NTNG1: variants seen among roughly 807,000 people sequenced by gnomAD.
NTNG1 encodes netrin G1, also known as netrin-G1.
NTNG1 carries 16 observed loss-of-function variants against 54.0 expected under a neutral mutation model. That is an observed-to-expected ratio of 0.30 (90% CI 0.20 to 0.45). The LOEUF is 0.45. Ranked by LOEUF, NTNG1 falls within the 20% of genes least tolerant of loss-of-function variation. The pLI is 1.00. For missense variants in NTNG1, 530 were observed against 678.7 expected (o/e 0.78, Z 2.43); for synonymous variants, 255 against 263.1 (o/e 0.97, Z 0.30).
At chr1:107,384,103 G>A (rs1023878786) in intron 3 of NTNG1, among the ~76,000 whole-genome samples, 2 of 152,062 alleles carry the variant, frequency 1.3e-5, no homozygotes, top group African/African-American at 2.4e-5. Context: ...AAATGGTCAC[G>A]GAGCACCATC....
At chr1:107,176,676 A>C (rs964968102) in intron 2 of NTNG1, among the ~76,000 whole-genome samples, 11 of 152,126 alleles carry the variant, frequency 7.2e-5, no homozygotes, top group African/African-American at 2.7e-4. Flanking sequence ...ACGGAATGTG[A>C]TTTTTTACAA....
intron 2 of NTNG1, among the ~76,000 whole-genome samples, chr1:107,321,133 C>T (rs1365804157): frequency 6.6e-6 from 1 of 152,032 alleles, no homozygotes; most frequent in African/African-American, 2.4e-5. Context: ...GCTTTATTTT[C>T]TCCATACAAG....
chr1:107,241,090 T>A (rs1275501388), intron 2 of NTNG1, among the ~76,000 whole-genome samples: 1 of 152,162 alleles, frequency 6.6e-6, no homozygotes, highest in Non-Finnish European at 1.5e-5. Flanking sequence ...TACTAAATAT[T>A]TTGGGACTGA....
chr1:107,418,545 A>G (rs1019613623), intron 5 of NTNG1: 4 of 1,487,492 alleles, frequency 2.7e-6, no homozygotes, highest in Non-Finnish European at 3.7e-6. Context: ...TTATAGCTGA[A>G]AATAACATAC....
intron 3 of NTNG1, among the ~76,000 whole-genome samples, chr1:107,347,026 G>T (rs7555385): frequency 0.6 from 90,076 of 151,040 alleles, 27,227 homozygotes; most frequent in East Asian, 0.7. Context: ...AAAGAACAAG[G>T]CAAAGCAAGC....
chr1:107,442,149 T>C (rs1676006053), intron 7 of NTNG1, among the ~76,000 whole-genome samples: 1 of 152,124 alleles, frequency 6.6e-6, no homozygotes, highest in South Asian at 2.1e-4. Flanking sequence ...TTAATGAGAA[T>C]TTCTTTACCC....
intron 3 of NTNG1, among the ~76,000 whole-genome samples, chr1:107,386,866 A>T (rs1334473020): frequency 6.6e-6 from 1 of 152,234 alleles, no homozygotes; most frequent in Non-Finnish European, 1.5e-5. Context: ...TACTCCCAAT[A>T]GCAATCTCTG....
intron 7 of NTNG1, among the ~76,000 whole-genome samples, chr1:107,464,060 T>C (rs941515304): frequency 6.6e-6 from 1 of 152,192 alleles, no homozygotes; most frequent in African/African-American, 2.4e-5. Flanking sequence ...GTAATGACCT[T>C]GCCCTTAATT....
At chr1:107,389,733 C>A (rs1485169806) in intron 3 of NTNG1, among the ~76,000 whole-genome samples, 1 of 152,202 alleles carries the variant, frequency 6.6e-6, no homozygotes, top group Non-Finnish European at 1.5e-5. Flanking sequence ...GTTCTATCTG[C>A]AGTGCTTAGG....
At chr1:107,201,578 T>C (rs1658762291) in intron 2 of NTNG1, among the ~76,000 whole-genome samples, 1 of 151,858 alleles carries the variant, frequency 6.6e-6, no homozygotes, top group Non-Finnish European at 1.5e-5. Context: ...CACTCTCCAT[T>C]CTGTATTCTT....
chr1:107,338,077 T>C lies in NTNG1; in HGVS notation c.887+13155T>C, dbSNP rs1226411799. 2.6e-5 allele frequency among the ~76,000 whole-genome samples: 4 copies of C among 152,002 alleles called. No homozygotes were observed. The East Asian group carries it at 7.7e-4, about 29-fold the overall frequency. On this transcript the variant is annotated intron_variant, in intron 3 of 7. Transcript: ENST00000370068. ...CACTATAGGCCCTTGTAAAGTGGCC[T>C]ATGTTGGGGATGATGCCACTGTTAG... is the stretch of plus-strand genomic sequence containing the variant.
At chr1:107,446,225 T>C (rs963941920) in intron 7 of NTNG1, among the ~76,000 whole-genome samples, 3 of 152,100 alleles carry the variant, frequency 2.0e-5, no homozygotes, top group Non-Finnish European at 4.4e-5. Context: ...CCCAGAAACA[T>C]AAGGGCTTTG....
chr1:107,221,139 G>A (rs1220164271), intron 2 of NTNG1, among the ~76,000 whole-genome samples: 1 of 151,850 alleles, frequency 6.6e-6, no homozygotes, highest in Non-Finnish European at 1.5e-5. Context: ...CCTATTTTTA[G>A]GTTAAACAAC....
chr1:107,274,591 G>C lies in NTNG1; in HGVS notation c.247-49691G>C, dbSNP rs966023351. The stretch of plus-strand genomic sequence containing the variant: ...AGTATAAGGGATTTGGGGAACAGCA[G>C]AGAGAGAACAGGTTGTCCAGATGAA... On this transcript the variant is annotated intron_variant, in intron 2 of 7. Coordinates refer to ENST00000370068, the MANE Select transcript of NTNG1 (RefSeq NM_001113226.3). 7.2e-5 allele frequency among the ~76,000 whole-genome samples: 11 copies of C among 152,296 alleles called. No homozygotes were observed. In the Middle Eastern group the frequency reaches 0.014, roughly 188 times the overall value.
At chr1:107,297,811 A>G (rs190978723) in intron 2 of NTNG1, among the ~76,000 whole-genome samples, 135 of 152,234 alleles carry the variant, frequency 8.9e-4, no homozygotes, top group Admixed American at 1.8e-3. Flanking sequence ...AATCTGATCT[A>G]TTTCATGAAA....
chr1:107,167,239 GTTATCC>G (rs1218967486), intron 2 of NTNG1, among the ~76,000 whole-genome samples: 1 of 151,836 alleles, frequency 6.6e-6, no homozygotes, highest in Non-Finnish European at 1.5e-5. Flanking sequence ...ACTGTCTACA[GTTATCC>G]TTAGAGTGGC....
intron 2 of NTNG1, among the ~76,000 whole-genome samples, chr1:107,158,275 T>C (rs1297103801): frequency 6.6e-6 from 1 of 152,184 alleles, no homozygotes; most frequent in Non-Finnish European, 1.5e-5. Flanking sequence ...ATGATGAAAT[T>C]TGTTTCATAA....
At chr1:107,277,710 G>C (rs941825177) in intron 2 of NTNG1, among the ~76,000 whole-genome samples, 1 of 152,174 alleles carries the variant, frequency 6.6e-6, no homozygotes, top group Admixed American at 6.5e-5. Context: ...AATTCGAATG[G>C]CTTCCTCAGA....
At chr1:107,248,215 C>T (rs1662327726) in intron 2 of NTNG1, among the ~76,000 whole-genome samples, 2 of 152,138 alleles carry the variant, frequency 1.3e-5, no homozygotes, top group South Asian at 2.1e-4. Context: ...GGGCTCAGTC[C>T]TGTGACCTTG....
Sources: gnomAD v4.1 joint callset for allele counts (sites outside exome capture counted in the v4.1 genomes callset) on GRCh38, gnomAD v4.1.1 for gene constraint, MANE v1.5 for transcripts, NCBI Gene and HGNC (gene_info 2026-07-23, HGNC 2026-07-21) for gene names.